Variants in PENK observed in about 807,000 individuals in gnomAD.
PENK encodes the protein proenkephalin-A.
In PENK, 25 loss-of-function variants were observed where a neutral mutation model predicts 24.1. The observed-to-expected ratio is 1.04, with a 90% confidence interval of 0.76 to 1.45. PENK has a LOEUF of 1.45. PENK is among the 40% of genes most tolerant of loss of function. PENK has a pLI of 0.00. For synonymous variants in PENK, 135 were observed against 130.3 expected, an observed-to-expected ratio of 1.04 and a Z score of -0.24; for missense variants, 353 against 337.9, an observed-to-expected ratio of 1.04 and a Z score of -0.35.
Position 56,441,352 on chromosome 8 carries a change from G to T in PENK, c.724C>A (p.Pro242Thr), listed in dbSNP as rs757811763. Residue 242 changes from proline (P) to threonine (T), a missense_variant, in exon 4 of 4, where the codon CCC becomes ACC. Physicochemically the swap from Pro to Thr is conservative, Grantham distance 38. Transcript: ENST00000451791. Reference protein sequence around the residue: ...GFLKRFAEALPSDEEGESYSK... With the variant: ...GFLKRFAEALTSDEEGESYSK... ...TAACTTTCGCCTTCTTCGTCGGAGG[G>T]CAGAGCCTCGGCAAAGCGCTTCAGG... is the stretch of plus-strand genomic sequence containing the variant. 1 of 1,613,936 alleles carries T rather than the reference G, an allele frequency of 6.2e-7. No homozygotes were observed.
chr8:56,442,051 A>G, intron 3 of PENK, 114 bp from the exon 4 acceptor site: 2 of 707,716 alleles, frequency 2.8e-6, no homozygotes, highest in Non-Finnish European at 2.4e-6. Context: ...CCTTATTATA[A>G]TAAGGTCATC....
rs971829517 is a variant in PENK at position 56,441,428 on chromosome 8, T to C, written c.648A>G (p.Arg216=). The C allele has an allele frequency of 6.2e-7, 1 of 1,613,914 alleles. No individual in the cohort carries two copies. The highest frequency in any genetic ancestry group is 1.3e-5 in the African/African-American group (1 of 74,944). Residue 216 remains arginine (R), a synonymous_variant, in exon 4 of 4, where the codon AGA becomes AGG. Coordinates refer to ENST00000451791, the MANE Select transcript of PENK (RefSeq NM_001135690.3). ...LQKRYGGFMR[R]VGRPEWWMDY... ...CCATCCACCACTCTGGGCGACCTAC[T>C]CTTCTCATGAAGCCCCCATATCGCT...
At chr8:56,445,753 C>T (rs934199391) in intron 3 of PENK, 63 bp downstream of exon 3, 25 of 1,606,610 alleles carry the variant, frequency 1.6e-5, no homozygotes, top group Non-Finnish European at 2.0e-5. Flanking sequence ...GGAGGCAGTC[C>T]GCGTACTGTT....
rs918101123 is a variant in PENK, at chr8:56,445,598, G to A, written c.138+218C>T. ...ACACCGCTACCCTTACCGGTCCCCA[G>A]ATAGTCGCGGATCCCCGAAGCTAAG... On this transcript the variant is annotated intron_variant, in intron 3 of 3. Transcript: ENST00000451791. 1.9e-4 allele frequency: 120 copies of A among 647,698 alleles called. 1 individual carries two copies. Among genetic ancestry groups the A allele is most frequent in the Non-Finnish European group, 5.0e-5 (18 of 362,348 alleles). 40.1% of individuals were successfully genotyped at this position (647,698 alleles called of 1,614,324 possible).
chr8:56,445,841 A>G lies in PENK; in HGVS notation c.113T>C (p.Val38Ala). Residue 38 changes from valine (V) to alanine (A), a missense_variant, in exon 3 of 4, where the codon GTG becomes GCG. Physicochemically the swap from Val to Ala is moderately conservative, Grantham distance 64 (BLOSUM62 0). Coordinates refer to ENST00000451791, the MANE Select transcript of PENK (RefSeq NM_001135690.3). ...CAGGAAGTTGATGTCGGCCGGGCGCACTAGGCGGTAGCTGCACGTCGCGCA... is the reference window on the plus strand; with the variant it reads ...CAGGAAGTTGATGTCGGCCGGGCGCGCTAGGCGGTAGCTGCACGTCGCGCA... ...QDCATCSYRL[V>A]RPADINFLAC... 6.2e-7 allele frequency: 1 copy of G among 1,613,378 alleles called. No homozygotes were observed. The highest frequency in any genetic ancestry group is 8.5e-7 in the Non-Finnish European group (1 of 1,179,906).
chr8:56,445,416 G>A (rs2576573), intron 3 of PENK: 187,882 of 443,382 alleles, frequency 0.42, 41,561 homozygotes, highest in Middle Eastern at 0.51. Context: ...GACTGCGTGT[G>A]GAGGGGCCCT....
chr8:56,441,992 C>G, intron 3 of PENK, 55 bp from the exon 4 acceptor site: 1 of 1,452,438 alleles, frequency 6.9e-7, no homozygotes. Flanking sequence ...TTTCATTAAG[C>G]AAATGAACTT....
At chr8:56,442,000 C>G in intron 3 of PENK, 63 bp from the exon 4 acceptor site, 1 of 1,270,720 alleles carries the variant, frequency 7.9e-7, no homozygotes. Context: ...AGCAAATGAA[C>G]TTTTGTGGAC....
intron 3 of PENK, 167 bp downstream of exon 3, chr8:56,445,649 T>A: frequency 1.2e-6 from 1 of 809,794 alleles, no homozygotes; most frequent in African/African-American, 1.7e-5. Context: ...TCAGTCAGTG[T>A]TCCAGGAACA....
chr8:56,442,190 A>G (rs374299923), intron 3 of PENK, among the ~76,000 whole-genome samples: 145 of 152,326 alleles, frequency 9.5e-4, no homozygotes, highest in African/African-American at 3.2e-3. Flanking sequence ...AAACCCATAG[A>G]AATTTTAAAG....
intron 3 of PENK, among the ~76,000 whole-genome samples, chr8:56,442,319 A>T (rs1203380522): frequency 6.6e-6 from 1 of 152,200 alleles, no homozygotes; most frequent in African/African-American, 2.4e-5. Context: ...CTAACCAAAA[A>T]GGAGAAATTT....
Position 56,441,137 on chromosome 8 carries a change from G to A in PENK, c.*135C>T, listed in dbSNP as rs932394103. On this transcript the variant is annotated 3_prime_UTR_variant, in exon 4 of 4. Coordinates refer to ENST00000451791, the MANE Select transcript of PENK (RefSeq NM_001135690.3). ...CAGAACCTGAAATGACAGTTTTCAG[G>A]TTGTATAGTTATCCAGACAATGAAG... 8 of 677,812 alleles carry A rather than the reference G, an allele frequency of 1.2e-5. No homozygotes were observed. In the East Asian group the frequency reaches 1.7e-4, roughly 15 times the overall value. 42.0% of individuals were successfully genotyped at this position (677,812 alleles called of 1,614,324 possible). A position where few individuals can be genotyped will look rare whatever the true frequency, so the allele number is the denominator to read the frequency against.
rs146447684 is a variant in PENK at position 56,445,882 on chromosome 8, G to A, written c.72C>T (p.Ala24=). The part of the protein sequence containing the change: ...LGPGLLATVR[A]ECSQDCATCS... ...ACGTCGCGCAATCCTGGCTGCATTC[G>A]GCCCGCACGGTCGCCAGGAGCCCGG... Residue 24 remains alanine, a synonymous_variant, in exon 3 of 4, where the codon GCC becomes GCT. Coordinates refer to ENST00000451791, the MANE Select transcript of PENK (RefSeq NM_001135690.3). The A allele has an allele frequency of 2.6e-4, 412 of 1,612,916 alleles. 2 individuals are homozygous for A. The highest frequency in any genetic ancestry group is 8.3e-5 in the Admixed American group (5 of 59,982).
Position 56,441,577 on chromosome 8 carries a change from G to A in PENK, c.499C>T (p.Arg167Ter), listed in dbSNP as rs748479792. ...LKELLETGDN[R>*]ERSHHQDGSD... ...CCATCCTGGTGGTGGCTACGCTCTC[G>A]GTTGTCCCCTGTTTCCAGAAGCTCT... Residue 167 changes from arginine to a stop codon, truncating the protein, a stop_gained, in exon 4 of 4, where the codon CGA becomes TGA. Coordinates refer to ENST00000451791, the MANE Select transcript of PENK (RefSeq NM_001135690.3). LOFTEE classifies it high-confidence loss of function. 97 of 1,613,704 alleles carry A rather than the reference G, an allele frequency of 6.0e-5. No individual in the cohort carries two copies. The highest frequency in any genetic ancestry group is 6.6e-5 in the Non-Finnish European group (78 of 1,179,990).
At chr8:56,443,392 A>G (rs1804593057) in intron 3 of PENK, 1 of 151,798 alleles carries the variant, frequency 6.6e-6, no homozygotes, top group South Asian at 2.1e-4. Flanking sequence ...GTGATGTGAG[A>G]TTCCTTCAAA....
rs1804566378 is a variant in PENK, at chr8:56,441,878, C to T, written c.198G>A (p.Lys66=). Residue 66 remains lysine, a synonymous_variant, in exon 4 of 4, where the codon AAG becomes AAA. Transcript: ENST00000451791. ...CTGGTTTGGACAGCTGCAGGAGCTCCTTGCAGGTTTCCCAAATTTTCAGAG... is the reference window on the plus strand; with the variant it reads ...CTGGTTTGGACAGCTGCAGGAGCTCTTTGCAGGTTTCCCAAATTTTCAGAG... ...LPSLKIWETC[K]ELLQLSKPEL... 4 of 1,613,966 alleles carry T rather than the reference C, an allele frequency of 2.5e-6. No homozygotes were observed. The highest frequency in any genetic ancestry group is 3.4e-6 in the Non-Finnish European group (4 of 1,179,946).
At position 56,441,420 on chromosome 8, in the gene PENK, C is replaced by G. The variant is rs201807450; in HGVS notation, c.656G>C (p.Arg219Pro). 2 of 1,613,948 alleles carry G rather than the reference C, an allele frequency of 1.2e-6. No homozygotes were observed. Among genetic ancestry groups the G allele is most frequent in the East Asian group, 4.5e-5 (2 of 44,876 alleles). Residue 219 changes from arginine (R) to proline (P), a missense_variant, in exon 4 of 4, where the codon CGC (arginine) becomes CCC (proline). Arg to Pro is a moderately radical substitution (Grantham distance 103). Coordinates refer to ENST00000451791, the MANE Select transcript of PENK (RefSeq NM_001135690.3). ...RYGGFMRRVG[R>P]PEWWMDYQKR... ...CTGGTAGTCCATCCACCACTCTGGGCGACCTACTCTTCTCATGAAGCCCCC... is the reference window on the plus strand; with the variant it reads ...CTGGTAGTCCATCCACCACTCTGGGGGACCTACTCTTCTCATGAAGCCCCC...
chr8:56,441,401 GTCCA>G lies in PENK; in HGVS notation c.671_674del (p.Met224ThrfsTer10), dbSNP rs772588945. 2 of 1,613,970 alleles carry G rather than the reference GTCCA, an allele frequency of 1.2e-6. No homozygotes were observed. Among genetic ancestry groups the G allele is most frequent in the African/African-American group, 2.7e-5 (2 of 74,936 alleles). On this transcript the variant is annotated frameshift_variant, in exon 4 of 4. Coordinates refer to ENST00000451791, the MANE Select transcript of PENK (RefSeq NM_001135690.3). LOFTEE classifies it high-confidence loss of function. The stretch of plus-strand genomic sequence containing the variant: ...GGAAACCTCCATACCGTTTCTGGTA[GTCCA>G]TCCACCACTCTGGGCGACCTACTCT...
In PENK at chr8:56,445,844, A is replaced by G. The variant is rs1325056672; in HGVS notation, c.110T>C (p.Leu37Pro). Residue 37 changes from leucine to proline, a missense_variant, in exon 3 of 4, where the codon CTA becomes CCA. Coordinates refer to ENST00000451791, the MANE Select transcript of PENK (RefSeq NM_001135690.3). The part of the protein sequence containing the change: ...SQDCATCSYR[L>P]VRPADINFLA... Reference sequence around the variant, plus strand: ...GAAGTTGATGTCGGCCGGGCGCACTAGGCGGTAGCTGCACGTCGCGCAATC... The same window carrying G: ...GAAGTTGATGTCGGCCGGGCGCACTGGGCGGTAGCTGCACGTCGCGCAATC... 6.2e-7 allele frequency: 1 copy of G among 1,613,374 alleles called. No individual in the cohort carries two copies. Among genetic ancestry groups the G allele is most frequent in the African/African-American group, 1.3e-5 (1 of 75,054 alleles).
Sources: allele counts gnomAD v4.1 joint callset (sites outside exome capture counted in the v4.1 genomes callset), GRCh38; gene constraint gnomAD v4.1.1; transcripts MANE v1.5; gene names NCBI Gene and HGNC (gene_info 2026-07-23, HGNC 2026-07-21).